PBX1: variants seen among roughly 807,000 people sequenced by gnomAD.
The protein encoded by PBX1 is PBX homeobox 1.
Under a neutral mutation model 53.4 loss-of-function variants are expected in PBX1, and 6 were observed. The observed-to-expected ratio is 0.11, with a 90% CI of 0.06 to 0.22. The LOEUF is 0.22. Ranked by LOEUF, PBX1 falls within the 10% of genes least tolerant of loss-of-function variation. The probability of loss-of-function intolerance (pLI) is 1.00; values close to 1 mark genes in which losing one functional copy is unlikely to be tolerated. For missense variants in PBX1, 251 were observed against 551.4 expected (o/e 0.46, Z 5.46); for synonymous variants, 204 against 212.3 (o/e 0.96, Z 0.34).
At position 164,847,363 on chromosome 1, in the gene PBX1, G is replaced by C. The variant is rs1405288301; in HGVS notation, c.*687G>C. The C allele has an allele frequency of 2.8e-6, 3 of 1,064,776 alleles. No individual in the cohort carries two copies. The East Asian group carries it at 1.5e-4, about 53-fold the overall frequency. 66.0% of individuals were successfully genotyped at this position (1,064,776 alleles called of 1,614,324 possible). ...TTTTCAGTTTCATCTCCACTAGGTT[G>C]GTTCCCGGGCAGGAAGTCAGGCAGC... is the stretch of plus-strand genomic sequence containing the variant. On this transcript the variant is annotated 3_prime_UTR_variant, in exon 9 of 9. Coordinates refer to ENST00000420696, the MANE Select transcript of PBX1 (RefSeq NM_002585.4).
intron 2 of PBX1, among the ~76,000 whole-genome samples, chr1:164,599,298 A>G (rs944864046): frequency 2.6e-5 from 4 of 151,934 alleles, no homozygotes; most frequent in African/African-American, 9.7e-5. Flanking sequence ...ATGTGCAGGT[A>G]TAATTCTTTC....
At chr1:164,560,415 C>CTCTG (rs1652953002) in intron 1 of PBX1, 3 of 390,908 alleles carry the variant, frequency 7.7e-6, no homozygotes, top group Non-Finnish European at 1.4e-5. Flanking sequence ...GTTGAGGGGA[C>CTCTG]TCTGTAACAT....
At chr1:164,596,709 T>A (rs1213201419) in intron 2 of PBX1, among the ~76,000 whole-genome samples, 3 of 152,212 alleles carry the variant, frequency 2.0e-5, no homozygotes, top group Non-Finnish European at 4.4e-5. Flanking sequence ...ATTTAACTTT[T>A]CAGGTTCAGT....
At chr1:164,564,489 T>A (rs1262290968) in intron 2 of PBX1, among the ~76,000 whole-genome samples, 1 of 152,152 alleles carries the variant, frequency 6.6e-6, no homozygotes, top group Non-Finnish European at 1.5e-5. Flanking sequence ...TTTCAAGATG[T>A]GACTGTTGAA....
chr1:164,686,583 G>C (rs61801262), intron 2 of PBX1, among the ~76,000 whole-genome samples: 34,248 of 152,128 alleles, frequency 0.23, 4,687 homozygotes, highest in Non-Finnish European at 0.31. Flanking sequence ...AATGGGGAAG[G>C]GATTCCTCCT....
At chr1:164,566,326 T>A (rs1653431186) in intron 2 of PBX1, among the ~76,000 whole-genome samples, 1 of 152,116 alleles carries the variant, frequency 6.6e-6, no homozygotes, top group South Asian at 2.1e-4. Context: ...TTCTGATACA[T>A]TTTCGCTTTT....
chr1:164,741,425 C>G (rs750306236), intron 2 of PBX1, among the ~76,000 whole-genome samples: 6 of 152,192 alleles, frequency 3.9e-5, no homozygotes, highest in Non-Finnish European at 8.8e-5. Context: ...CCAGAAAGGT[C>G]TTTTAAGTCA....
chr1:164,760,796 G>T (rs964131823), intron 2 of PBX1, among the ~76,000 whole-genome samples: 4 of 152,076 alleles, frequency 2.6e-5, no homozygotes. Flanking sequence ...TTGTCTTTTT[G>T]TCTCTGCTTA....
chr1:164,781,483 A>G (rs571703693), intron 2 of PBX1, among the ~76,000 whole-genome samples: 2 of 152,308 alleles, frequency 1.3e-5, no homozygotes, highest in South Asian at 4.1e-4. Flanking sequence ...CTCAGCCTAA[A>G]GTAATTTGTT....
downstream of PBX1, among the ~76,000 whole-genome samples, chr1:164,852,809 A>AATG (rs1270628268): frequency 6.6e-6 from 1 of 152,196 alleles, no homozygotes; most frequent in Non-Finnish European, 1.5e-5. Flanking sequence ...GCTATCTGCT[A>AATG]ATGTTGAGTT....
At chr1:164,668,363 CT>C (rs1660924751) in intron 2 of PBX1, among the ~76,000 whole-genome samples, 1 of 152,192 alleles carries the variant, frequency 6.6e-6, no homozygotes, top group Admixed American at 6.5e-5. Context: ...GAGGGTCAGA[CT>C]TTACTCCTGT....
At chr1:164,621,607 T>C (rs1657682800) in intron 2 of PBX1, among the ~76,000 whole-genome samples, 1 of 152,132 alleles carries the variant, frequency 6.6e-6, no homozygotes, top group African/African-American at 2.4e-5. Flanking sequence ...GAAATAATCA[T>C]GAAACAAGAG....
chr1:164,799,537 A>T (rs949387295), intron 3 of PBX1, among the ~76,000 whole-genome samples, 162 bp from the exon 4 acceptor site: 2 of 152,118 alleles, frequency 1.3e-5, no homozygotes, highest in Admixed American at 1.3e-4. Flanking sequence ...TATCGCCAAA[A>T]CTTTGAGCCA....
downstream of PBX1, among the ~76,000 whole-genome samples, chr1:164,851,994 CTCAGGAA>C (rs1671862864): frequency 6.6e-6 from 1 of 152,102 alleles, no homozygotes; most frequent in Non-Finnish European, 1.5e-5. Flanking sequence ...ACCTTCTTCA[CTCAGGAA>C]ATAAGAAGGA....
At chr1:164,723,699 G>A (rs928385996) in intron 2 of PBX1, among the ~76,000 whole-genome samples, 1 of 152,180 alleles carries the variant, frequency 6.6e-6, no homozygotes, top group Non-Finnish European at 1.5e-5. Context: ...GTTGCTATGC[G>A]CCGGAAGCTT....
chr1:164,671,820 T>C (rs1661131437), intron 2 of PBX1, among the ~76,000 whole-genome samples: 1 of 152,100 alleles, frequency 6.6e-6, no homozygotes, highest in Non-Finnish European at 1.5e-5. Flanking sequence ...GTCAGTGGTA[T>C]ATATTATCCT....
In PBX1 at chr1:164,847,627, G is replaced by A. The variant is rs979326659; in HGVS notation, c.*951G>A. On this transcript the variant is annotated 3_prime_UTR_variant, in exon 9 of 9. Coordinates refer to ENST00000420696, the MANE Select transcript of PBX1 (RefSeq NM_002585.4). ...CAACTATGCCTTCATAGACACACAC[G>A]TTCATGCACATGTAGGCACATGTAC... 5.0e-5 allele frequency: 53 copies of A among 1,061,274 alleles called. No homozygotes were observed. Among genetic ancestry groups the A allele is most frequent in the Non-Finnish European group, 5.6e-5 (49 of 876,846 alleles). The allele number at this position is 1,061,274 out of a possible 1,614,324, so 65.7% of individuals were successfully genotyped here.
At chr1:164,710,500 CT>C (rs1199841353) in intron 2 of PBX1, among the ~76,000 whole-genome samples, 4 of 152,084 alleles carry the variant, frequency 2.6e-5, no homozygotes, top group Non-Finnish European at 1.5e-5. Flanking sequence ...CAACCTCCAC[CT>C]CCTGGGTTCA....
intron 2 of PBX1, among the ~76,000 whole-genome samples, chr1:164,618,635 GT>G (rs200050150): frequency 6.6e-6 from 1 of 152,270 alleles, no homozygotes; most frequent in East Asian, 1.9e-4. Context: ...AATCAGTAGG[GT>G]TTTTTTACCA....
Sources: gnomAD v4.1 joint callset for allele counts (sites outside exome capture counted in the v4.1 genomes callset) on GRCh38, gnomAD v4.1.1 for gene constraint, MANE v1.5 for transcripts, NCBI Gene and HGNC (gene_info 2026-07-23, HGNC 2026-07-21) for gene names.